GABRG1: variants seen among roughly 807,000 people sequenced by gnomAD.
GABRG1 encodes gamma-aminobutyric acid type A receptor subunit gamma1, also known as gamma-aminobutyric acid receptor subunit gamma-1.
A neutral mutation model predicts 49.8 loss-of-function variants in GABRG1; 49 were observed. That is an observed-to-expected ratio of 0.98 (90% CI 0.78 to 1.25). The LOEUF (loss-of-function observed/expected upper bound fraction) is 1.25. Among genes scored for constraint, GABRG1 ranks in the 50% most tolerant of loss-of-function variants. The pLI, the probability that GABRG1 is intolerant of heterozygous loss-of-function variation, is 0.00. For missense variants in GABRG1, 552 were observed against 552.3 expected, an observed-to-expected ratio of 1.00 and a Z score of 0.01; for synonymous variants, 232 against 185.1, an observed-to-expected ratio of 1.25 and a Z score of -2.06.
intron 2 of GABRG1, among the ~76,000 whole-genome samples, chr4:46,093,752 AC>A (rs2109429353): frequency 6.6e-6 from 1 of 151,972 alleles, no homozygotes; most frequent in African/African-American, 2.4e-5. Flanking sequence ...TAAAAGTAAA[AC>A]TTTTTTTAAA....
chr4:46,084,534 A>G (rs545176399), intron 2 of GABRG1, among the ~76,000 whole-genome samples: 1 of 151,764 alleles, frequency 6.6e-6, no homozygotes, highest in African/African-American at 2.4e-5. Context: ...CCCTCAAGCT[A>G]CCAAACTTCA....
At chr4:46,110,849 T>A (rs1720690294) in intron 1 of GABRG1, among the ~76,000 whole-genome samples, 1 of 150,808 alleles carries the variant, frequency 6.6e-6, no homozygotes, top group Non-Finnish European at 1.5e-5. Context: ...GGAACATACC[T>A]CAAAATAATA....
chr4:46,043,955 AATT>A (rs1424724623), intron 8 of GABRG1, among the ~76,000 whole-genome samples: 27 of 152,022 alleles, frequency 1.8e-4, no homozygotes, highest in Admixed American at 1.7e-3. Flanking sequence ...ACCATCTGAT[AATT>A]ATTATACCAT....
rs1717529458 is a variant in GABRG1 at position 46,036,442 on chromosome 4, T to C, written c.*4546A>G. On this transcript the variant is annotated 3_prime_UTR_variant, in exon 9 of 9. Coordinates refer to ENST00000295452, the MANE Select transcript of GABRG1 (RefSeq NM_173536.4). The stretch of plus-strand genomic sequence containing the variant: ...GGATTTACATTTCAGATTATTTTTT[T>C]CTTCATCTTTTATGTGTGAAAAAGA... 6.6e-6 allele frequency: 1 copy of C among 151,986 alleles called. No homozygotes were observed. Among genetic ancestry groups the C allele is most frequent in the Admixed American group, 6.6e-5 (1 of 15,218 alleles). The allele number at this position is 151,986 out of a possible 1,614,324, so 9.4% of individuals were successfully genotyped here. A position where few individuals can be genotyped will look rare whatever the true frequency, so the allele number is the denominator to read the frequency against.
intron 3 of GABRG1, among the ~76,000 whole-genome samples, chr4:46,081,003 G>A (rs962329707): frequency 2.6e-5 from 4 of 151,782 alleles, no homozygotes; most frequent in Non-Finnish European, 5.9e-5. Flanking sequence ...TTATTGTATA[G>A]TAATTTGTTT....
intron 1 of GABRG1, among the ~76,000 whole-genome samples, chr4:46,116,801 C>T (rs982624894): frequency 6.6e-6 from 1 of 150,764 alleles, no homozygotes; most frequent in Non-Finnish European, 1.5e-5. Flanking sequence ...TCATAAGCCA[C>T]CTGCAGAGGG....
intron 1 of GABRG1, among the ~76,000 whole-genome samples, chr4:46,115,558 A>G (rs1720856650): frequency 1.3e-5 from 2 of 150,754 alleles, no homozygotes; most frequent in African/African-American, 2.4e-5. Flanking sequence ...AGTAAAATTA[A>G]TTTTCTGTCT....
intron 3 of GABRG1, among the ~76,000 whole-genome samples, chr4:46,073,911 G>T (rs1474111884): frequency 6.6e-6 from 1 of 151,996 alleles, no homozygotes; most frequent in African/African-American, 2.4e-5. Flanking sequence ...TTGGATCATT[G>T]TTGACCATGG....
intron 1 of GABRG1, among the ~76,000 whole-genome samples, chr4:46,118,543 C>T (rs1721003108): frequency 6.6e-6 from 1 of 151,000 alleles, no homozygotes; most frequent in African/African-American, 2.4e-5. Flanking sequence ...TCCTGTTCAT[C>T]TAGCATATAA....
chr4:46,119,709 C>T (rs1721039520), intron 1 of GABRG1, among the ~76,000 whole-genome samples: 2 of 151,208 alleles, frequency 1.3e-5, no homozygotes, highest in Admixed American at 1.3e-4. Flanking sequence ...AATTTAGGCT[C>T]CTCTGTTTAT....
intron 5 of GABRG1, among the ~76,000 whole-genome samples, chr4:46,059,218 T>G (rs1718574300): frequency 6.6e-6 from 1 of 152,200 alleles, no homozygotes; most frequent in South Asian, 2.1e-4. Context: ...CTGTTGGCTA[T>G]AACCAACATT....
chr4:46,119,481 T>C (rs1721032528), intron 1 of GABRG1, among the ~76,000 whole-genome samples: 1 of 151,570 alleles, frequency 6.6e-6, no homozygotes, highest in Non-Finnish European at 1.5e-5. Context: ...TCCCCTGTTT[T>C]TCCATCTGTA....
chr4:46,124,027 C>G lies in GABRG1; in HGVS notation c.-114G>C, dbSNP rs1373077817. 1.4e-6 allele frequency: 1 copy of G among 740,002 alleles called. No individual in the cohort carries two copies. The highest frequency in any genetic ancestry group is 1.8e-5 in the African/African-American group (1 of 57,110). The allele number at this position is 740,002 out of a possible 1,614,324, so 45.8% of individuals were successfully genotyped here. A position where few individuals can be genotyped will look rare whatever the true frequency, so the allele number is the denominator to read the frequency against. On this transcript the variant is annotated 5_prime_UTR_variant, in exon 1 of 9. Coordinates refer to ENST00000295452, the MANE Select transcript of GABRG1 (RefSeq NM_173536.4). Reference sequence around the variant, plus strand: ...GAAGGGAGAGTGTGGAAAGGCAGTGCACCTCCCAAACAGGTAGGATGCGAC... The same window carrying G: ...GAAGGGAGAGTGTGGAAAGGCAGTGGACCTCCCAAACAGGTAGGATGCGAC...
At chr4:46,062,950 C>G (rs914375394) in intron 5 of GABRG1, among the ~76,000 whole-genome samples, 1 of 151,690 alleles carries the variant, frequency 6.6e-6, no homozygotes, top group East Asian at 1.9e-4. Flanking sequence ...ACTTAGGAAT[C>G]CAACTTACAA....
chr4:46,092,311 TG>T (rs1553882563), intron 2 of GABRG1, among the ~76,000 whole-genome samples: 1 of 152,004 alleles, frequency 6.6e-6, no homozygotes, highest in Non-Finnish European at 1.5e-5. Flanking sequence ...ATAAAACATA[TG>T]GACATAATAG....
At chr4:46,050,075 C>A (rs755406802) in intron 8 of GABRG1, among the ~76,000 whole-genome samples, 4 of 151,804 alleles carry the variant, frequency 2.6e-5, no homozygotes, top group Non-Finnish European at 4.4e-5. Flanking sequence ...AGATGCATGG[C>A]TTTGATGAAA....
At chr4:46,058,714 C>A in intron 5 of GABRG1, 92 bp from the exon 6 acceptor site, 1 of 964,866 alleles carries the variant, frequency 1.0e-6, no homozygotes, top group South Asian at 1.7e-5. Flanking sequence ...GGAACTTTCT[C>A]CTCTTTTTTT....
At chr4:46,067,444 T>C (rs1383984675) in intron 3 of GABRG1, among the ~76,000 whole-genome samples, 1 of 152,184 alleles carries the variant, frequency 6.6e-6, no homozygotes, top group African/African-American at 2.4e-5. Context: ...AAGTAATGTG[T>C]AATCATTCAA....
rs537971783 is a variant in GABRG1 at position 46,118,852 on chromosome 4, C to T, written c.104+4958G>A. Among the ~76,000 whole-genome samples, 10 of 151,304 alleles carry T rather than the reference C, an allele frequency of 6.6e-5. No individual in the cohort carries two copies. The East Asian group carries it at 9.7e-4, about 15-fold the overall frequency. ...ATCTACCTCCTACAGAGCCTGAGAACGCACTAACAAGTTTCTGCTTAAACA... is the reference window on the plus strand; with the variant it reads ...ATCTACCTCCTACAGAGCCTGAGAATGCACTAACAAGTTTCTGCTTAAACA... On this transcript the variant is annotated intron_variant, in intron 1 of 8. Transcript: ENST00000295452.
Sources: allele counts gnomAD v4.1 joint callset (sites outside exome capture counted in the v4.1 genomes callset), GRCh38; gene constraint gnomAD v4.1.1; transcripts MANE v1.5; gene names NCBI Gene and HGNC (gene_info 2026-07-23, HGNC 2026-07-21).